Variants in NELFA observed in about 807,000 individuals in gnomAD.
NELFA encodes negative elongation factor complex member A, also known as negative elongation factor A.
NELFA carries 35 observed loss-of-function variants against 51.8 expected under a neutral mutation model. The ratio of observed to expected loss-of-function variants is 0.68; its 90% CI spans 0.52 to 0.90. The LOEUF (loss-of-function observed/expected upper bound fraction) is 0.90, where lower values mean the gene tolerates loss of function less well. Among genes scored for constraint, NELFA ranks in the 40% least tolerant of loss-of-function variants. The pLI is 0.00. For synonymous variants in NELFA, 417 were observed against 338.4 expected (o/e 1.23, Z -2.55); for missense variants, 658 against 746.4 (o/e 0.88, Z 1.38).
Position 1,989,190 on chromosome 4 carries a change from C to T in NELFA, c.544+518G>A, listed in dbSNP as rs1560865668. Among the ~76,000 whole-genome samples, 1 of 152,214 alleles carries T rather than the reference C, an allele frequency of 6.6e-6. No individual in the cohort carries two copies. The highest frequency in any genetic ancestry group is 6.5e-5 in the Admixed American group (1 of 15,286). ...CGATCTCCTGACCTCAGGTGATCTG[C>T]TGGCCTCAGCCTCCCAAAGTGCTGG... On this transcript the variant is annotated intron_variant, in intron 3 of 10. Transcript: ENST00000382882. The surrounding 1 kb of genome is among the most constrained non-coding windows in gnomAD (Gnocchi z 4.8).
chr4:1,989,714 G>C lies in NELFA; in HGVS notation c.538C>G (p.Gln180Glu). Reference sequence around the variant, plus strand: ...GGCGGCCGCGGCCACTCACACTTCTGCAGCAGCTCCGCCCGCAGCGTGGCG... The same window carrying C: ...GGCGGCCGCGGCCACTCACACTTCTCCAGCAGCTCCGCCCGCAGCGTGGCG... ...KSATLRAELLQKSTETAQQLK... is the reference protein window; with the variant it reads ...KSATLRAELLEKSTETAQQLK... Residue 180 changes from glutamine to glutamate, a missense_variant, in exon 3 of 11, where the codon CAG (glutamine) becomes GAG (glutamate). Coordinates refer to ENST00000382882, the MANE Select transcript of NELFA (RefSeq NM_005663.5). The surrounding 1 kb of genome is among the most constrained non-coding windows in gnomAD (Gnocchi z 4.8). The C allele has an allele frequency of 6.2e-7, 1 of 1,613,518 alleles. No individual in the cohort carries two copies. Among genetic ancestry groups the C allele is most frequent in the Non-Finnish European group, 8.5e-7 (1 of 1,179,836 alleles).
chr4:1,990,155 G>T (rs985677276), intron 2 of NELFA: 1 of 475,536 alleles, frequency 2.1e-6, no homozygotes, highest in Non-Finnish European at 3.9e-6. Flanking sequence ...CATAGATACA[G>T]TGATTCCTGG....
intron 1 of NELFA, among the ~76,000 whole-genome samples, chr4:2,003,636 C>T (rs1384024301): frequency 1.3e-5 from 2 of 152,078 alleles, no homozygotes; most frequent in African/African-American, 2.4e-5. Context: ...GAACAGAAAA[C>T]CAAACATTGC....
chr4:1,988,584 G>GGCT (rs1479606274), intron 3 of NELFA, among the ~76,000 whole-genome samples: 2 of 152,350 alleles, frequency 1.3e-5, no homozygotes, highest in Admixed American at 6.5e-5. Flanking sequence ...GCTGGGCCCT[G>GGCT]GCTGCTGCCC....
intron 1 of NELFA, among the ~76,000 whole-genome samples, chr4:2,002,115 GC>G (rs2109067190): frequency 6.6e-6 from 1 of 151,906 alleles, no homozygotes; most frequent in Admixed American, 6.6e-5. Context: ...CAGGAGAATG[GC>G]GTGAACCCGG....
At chr4:1,991,500 T>A in intron 2 of NELFA, 44 bp downstream of exon 2, 4 of 1,590,404 alleles carry the variant, frequency 2.5e-6, no homozygotes, top group Non-Finnish European at 3.4e-6. Flanking sequence ...TCAAGAAAGA[T>A]CCATTTCCCT....
rs553348068 is a variant in NELFA at position 1,996,854 on chromosome 4, T to A, written c.211-5139A>T. Among the ~76,000 whole-genome samples, 299 of 152,094 alleles carry A rather than the reference T, an allele frequency of 2.0e-3. 4 individuals are homozygous for A. Among genetic ancestry groups the A allele is most frequent in the African/African-American group, 6.9e-3 (287 of 41,478 alleles). The stretch of plus-strand genomic sequence containing the variant: ...GGCTGAGGCACGATAATCACTTGAG[T>A]CTGGAAGGTGGAGGTTGCAGTGAGC... On this transcript the variant is annotated intron_variant, in intron 1 of 10. Transcript: ENST00000382882.
intron 1 of NELFA, among the ~76,000 whole-genome samples, chr4:2,008,441 G>C (rs1728771229): frequency 6.7e-6 from 1 of 149,912 alleles, no homozygotes; most frequent in African/African-American, 2.5e-5. Flanking sequence ...GTAGGGAGGT[G>C]AGGACCCTAG....
chr4:2,003,674 T>C, intron 1 of NELFA, among the ~76,000 whole-genome samples: 1 of 151,940 alleles, frequency 6.6e-6, no homozygotes, highest in East Asian at 1.9e-4. Context: ...TGGCAGGTAG[T>C]TGAACACTGA....
intron 6 of NELFA, 94 bp from the exon 7 acceptor site, chr4:1,985,958 G>T: frequency 7.4e-7 from 1 of 1,347,832 alleles, no homozygotes; most frequent in Non-Finnish European, 1.0e-6. Flanking sequence ...TCCCAGGGGA[G>T]GCCACCAAGG....
In NELFA at chr4:1,984,928, CAG is replaced by C. The variant is rs1003460963; in HGVS notation, c.925-11_925-10del. ...TTCAGGGACCCAAGTTTCTGGAACACAGAGTTTAAGGTTCCTTCCAGAAGAGG... is the reference window on the plus strand; with the variant it reads ...TTCAGGGACCCAAGTTTCTGGAACACAGTTTAAGGTTCCTTCCAGAAGAGG... On this transcript the variant is annotated splice_polypyrimidine_tract_variant and intron_variant, in intron 7 of 10. Transcript: ENST00000382882. The C allele has an allele frequency of 1.5e-5, 24 of 1,555,510 alleles. No individual in the cohort carries two copies. Among genetic ancestry groups the C allele is most frequent in the African/African-American group, 5.4e-5 (4 of 73,612 alleles).
chr4:1,991,392 G>C (rs898923208), intron 2 of NELFA, 152 bp downstream of exon 2: 10 of 739,628 alleles, frequency 1.4e-5, no homozygotes, highest in African/African-American at 3.6e-5. Context: ...AGCAGCTTAC[G>C]GGGGAGGATG....
chr4:1,986,116 A>G lies in NELFA; in HGVS notation c.833T>C (p.Leu278Pro). ...GACACGCAGGCCCCAACCCCCACCG[A>G]GAGTCTTCCTTCTCCGCTTCGCCTC... Reference protein sequence around the residue: ...GREAKRRRKTLDAEVVEKPAK... With the variant: ...GREAKRRRKTPDAEVVEKPAK... Residue 278 changes from leucine (L) to proline (P), a missense_variant and splice_region_variant, in exon 6 of 11, where the codon CTC (leucine) becomes CCC (proline). Leu to Pro is a moderately conservative substitution (Grantham distance 98). This residue lies in a region of NELFA where 371 missense variants were observed against 448.3 expected (regional missense o/e 0.83). Transcript: ENST00000382882. The G allele has an allele frequency of 6.4e-7, 1 of 1,551,750 alleles. No homozygotes were observed. The highest frequency in any genetic ancestry group is 1.2e-5 in the South Asian group (1 of 84,112).
At position 2,008,786 on chromosome 4, in the gene NELFA, G is replaced by T. The variant is rs757455998; in HGVS notation, c.174C>A (p.Leu58=). 1.2e-6 allele frequency: 2 copies of T among 1,612,300 alleles called. No homozygotes were observed. Among genetic ancestry groups the T allele is most frequent in the African/African-American group, 1.3e-5 (1 of 74,908 alleles). Residue 58 remains leucine, a synonymous_variant, in exon 1 of 11, where the codon CTC becomes CTA. Coordinates refer to ENST00000382882, the MANE Select transcript of NELFA (RefSeq NM_005663.5). ...LSSAVKLKLL[L]GTLHLPRRTV... is the part of the protein sequence containing the mutation. Reference sequence around the variant, plus strand: ...TGCGGCGCGGGAGGTGCAGCGTCCCGAGTAGCAACTTGAGCTTCACTGCCG... The same window carrying T: ...TGCGGCGCGGGAGGTGCAGCGTCCCTAGTAGCAACTTGAGCTTCACTGCCG...
chr4:1,996,466 C>T (rs1246733092), intron 1 of NELFA, among the ~76,000 whole-genome samples: 1 of 152,064 alleles, frequency 6.6e-6, no homozygotes, highest in African/African-American at 2.4e-5. Context: ...AAAAGAGCAA[C>T]AAAGTAAGTA....
At chr4:1,994,722 G>C (rs1182866294) in intron 1 of NELFA, among the ~76,000 whole-genome samples, 2 of 151,944 alleles carry the variant, frequency 1.3e-5, no homozygotes, top group African/African-American at 2.4e-5. Flanking sequence ...GGGCGTGGTG[G>C]TGGGCACCTG....
At chr4:2,008,465 G>A (rs1728772045) in intron 1 of NELFA, among the ~76,000 whole-genome samples, 1 of 150,818 alleles carries the variant, frequency 6.6e-6, no homozygotes, top group African/African-American at 2.4e-5. Flanking sequence ...GGGATTCCCA[G>A]GGGGCGAGGA....
At chr4:2,001,864 C>T (rs534354020) in intron 1 of NELFA, among the ~76,000 whole-genome samples, 66 of 150,978 alleles carry the variant, frequency 4.4e-4, no homozygotes, top group African/African-American at 1.5e-3. Flanking sequence ...GATCGTGCCA[C>T]TGCACTCCAG....
In NELFA at chr4:1,989,363, T is replaced by C. The variant is rs1728207096; in HGVS notation, c.544+345A>G. Among the ~76,000 whole-genome samples the C allele has an allele frequency of 6.6e-6, 1 of 152,160 alleles. No individual in the cohort carries two copies. The highest frequency in any genetic ancestry group is 1.5e-5 in the Non-Finnish European group (1 of 68,032). ...TCTTTTTCTTGAGACAGGGTCTCACTCTCTCCCAGGCTGGAGTGTAGTGGT... is the reference window on the plus strand; with the variant it reads ...TCTTTTTCTTGAGACAGGGTCTCACCCTCTCCCAGGCTGGAGTGTAGTGGT... On this transcript the variant is annotated intron_variant, in intron 3 of 10. Coordinates refer to ENST00000382882, the MANE Select transcript of NELFA (RefSeq NM_005663.5). The surrounding 1 kb of genome is among the most constrained non-coding windows in gnomAD (Gnocchi z 4.8).
Sources: gnomAD v4.1 joint callset for allele counts (sites outside exome capture counted in the v4.1 genomes callset) on GRCh38, gnomAD v4.1.1 for gene constraint, gnomAD v4.1.1 regional missense constraint, Gnocchi (gnomAD v3.1) non-coding constraint, MANE v1.5 for transcripts, NCBI Gene and HGNC (gene_info 2026-07-23, HGNC 2026-07-21) for gene names.